PTPRJ: variants seen among roughly 807,000 people sequenced by gnomAD.
The protein encoded by PTPRJ is receptor-type tyrosine-protein phosphatase eta.
A neutral mutation model predicts 141.3 loss-of-function variants in PTPRJ; 129 were observed. The ratio of observed to expected loss-of-function variants is 0.91; its 90% CI spans 0.79 to 1.06. PTPRJ has a LOEUF of 1.06. PTPRJ is among the 50% of genes least tolerant of loss of function. PTPRJ has a pLI of 0.00. For missense variants in PTPRJ, 1,601 were observed against 1,679.7 expected (o/e 0.95, Z 0.82); for synonymous variants, 610 against 640.5 (o/e 0.95, Z 0.72).
At chr11:48,047,036 C>G (rs1565275051) in intron 1 of PTPRJ, among the ~76,000 whole-genome samples, 1 of 150,784 alleles carries the variant, frequency 6.6e-6, no homozygotes, top group Non-Finnish European at 1.5e-5. Flanking sequence ...TTGCCTCAGC[C>G]TCCTGAGTAG....
rs551800146 is a variant in PTPRJ, at chr11:47,981,226, G to A, written c.96+218G>A. 1.1e-4 allele frequency among the ~76,000 whole-genome samples: 16 copies of A among 152,236 alleles called. No homozygotes were observed. In the South Asian group the frequency reaches 3.1e-3, roughly 30 times the overall value. ...GCCCAGGATCGGGGGAGAGAGGCGG[G>A]ATCCGGGTGCCGCGGTGCCCGAGCC... On this transcript the variant is annotated intron_variant, in intron 1 of 24. Transcript: ENST00000418331.
chr11:48,026,995 C>G (rs1167941450), intron 1 of PTPRJ, among the ~76,000 whole-genome samples: 3 of 144,414 alleles, frequency 2.1e-5, no homozygotes, highest in Non-Finnish European at 4.5e-5. Flanking sequence ...CTTGGAATAC[C>G]CTTTTTTTTT....
At chr11:48,153,602 C>T (rs564574704) in intron 18 of PTPRJ, among the ~76,000 whole-genome samples, 194 bp from the exon 19 acceptor site, 8 of 151,862 alleles carry the variant, frequency 5.3e-5, no homozygotes, top group African/African-American at 1.7e-4. Flanking sequence ...CCTGAAGGTC[C>T]TTTCCTGAGA....
At chr11:48,040,612 CTTTTTTTT>C (rs398055231) in intron 1 of PTPRJ, among the ~76,000 whole-genome samples, 3 of 135,420 alleles carry the variant, frequency 2.2e-5, no homozygotes, top group Non-Finnish European at 4.7e-5. Flanking sequence ...TCTTCTTCTT[CTTTTTTTT>C]TTTTTTTTGA....
intron 11 of PTPRJ, among the ~76,000 whole-genome samples, chr11:48,140,761 G>T (rs1035885190): frequency 6.6e-6 from 1 of 152,178 alleles, no homozygotes; most frequent in African/African-American, 2.4e-5. Context: ...GCCGAAATTG[G>T]TATTAATAGC....
chr11:48,025,953 AT>A (rs1378336572), intron 1 of PTPRJ, among the ~76,000 whole-genome samples: 1 of 152,060 alleles, frequency 6.6e-6, no homozygotes, highest in Non-Finnish European at 1.5e-5. Flanking sequence ...CATCCCCCCA[AT>A]TATGGAAATC....
chr11:48,152,480 T>C (rs1857507810), intron 18 of PTPRJ, among the ~76,000 whole-genome samples: 1 of 152,176 alleles, frequency 6.6e-6, no homozygotes, highest in Non-Finnish European at 1.5e-5. Flanking sequence ...TTTTGTCTTT[T>C]GTTGCCATTG....
chr11:48,025,452 C>T (rs752350733), intron 1 of PTPRJ, among the ~76,000 whole-genome samples: 59 of 152,130 alleles, frequency 3.9e-4, no homozygotes, highest in Non-Finnish European at 3.2e-4. Context: ...TGGTGTATGC[C>T]GGAGGCCACC....
At chr11:48,083,437 A>C (rs1290917708) in intron 1 of PTPRJ, among the ~76,000 whole-genome samples, 1 of 152,184 alleles carries the variant, frequency 6.6e-6, no homozygotes, top group East Asian at 1.9e-4. Context: ...CTCAAATAAA[A>C]AATATTATTT....
intron 1 of PTPRJ, among the ~76,000 whole-genome samples, chr11:48,018,649 C>T (rs981072766): frequency 1.1e-4 from 17 of 152,148 alleles, no homozygotes; most frequent in Admixed American, 5.2e-4. Flanking sequence ...AGAACCAGAT[C>T]CTTTGTCAGT....
chr11:48,141,938 G>T (rs1217345985), intron 11 of PTPRJ, among the ~76,000 whole-genome samples: 1 of 144,096 alleles, frequency 6.9e-6, no homozygotes, highest in Non-Finnish European at 1.5e-5. Context: ...TCCCCAATGT[G>T]TTTTTTTTTT....
intron 1 of PTPRJ, among the ~76,000 whole-genome samples, chr11:48,098,193 C>G (rs10769316): frequency 0.67 from 101,715 of 152,028 alleles, 35,654 homozygotes; most frequent in East Asian, 0.81. Flanking sequence ...TGTTCCAGGC[C>G]CTGAAAATCC....
intron 1 of PTPRJ, among the ~76,000 whole-genome samples, chr11:48,098,661 C>CATGT (rs1444934263): frequency 1.7e-5 from 1 of 60,540 alleles, no homozygotes. Flanking sequence ...GCTGGGACTA[C>CATGT]AGGCACGCGC....
At position 48,144,898 on chromosome 11, in the gene PTPRJ, G is replaced by T; in HGVS notation, c.2786+13G>T. The T allele has an allele frequency of 1.2e-6, 2 of 1,613,958 alleles. No homozygotes were observed. The highest frequency in any genetic ancestry group is 1.7e-6 in the Non-Finnish European group (2 of 1,179,940). ...TGGGCTCCTACCGGTAATGTCTTCT[G>T]GTTCTTACTCTTTGGGGGCTGAGCC... is the stretch of plus-strand genomic sequence containing the variant. On this transcript the variant is annotated intron_variant, in intron 13 of 24. Coordinates refer to ENST00000418331, the MANE Select transcript of PTPRJ (RefSeq NM_002843.4).
chr11:47,998,989 C>T (rs1854420735), intron 1 of PTPRJ, among the ~76,000 whole-genome samples: 1 of 152,182 alleles, frequency 6.6e-6, no homozygotes, highest in South Asian at 2.1e-4. Flanking sequence ...GAGCTCATTG[C>T]CATGCAACTT....
At chr11:48,091,680 A>G (rs1910364) in intron 1 of PTPRJ, among the ~76,000 whole-genome samples, 112,461 of 152,132 alleles carry the variant, frequency 0.74, 42,310 homozygotes, top group South Asian at 0.83. Flanking sequence ...AAAAAATTCG[A>G]AAAGTCACCT....
At chr11:48,100,337 G>A (rs548508425) in intron 1 of PTPRJ, among the ~76,000 whole-genome samples, 9 of 152,230 alleles carry the variant, frequency 5.9e-5, no homozygotes, top group South Asian at 4.1e-4. Flanking sequence ...CACCTCTCCC[G>A]TGTTTCACTG....
chr11:48,094,408 C>T (rs981246407), intron 1 of PTPRJ, among the ~76,000 whole-genome samples: 1 of 152,058 alleles, frequency 6.6e-6, no homozygotes, highest in African/African-American at 2.4e-5. Flanking sequence ...ATAAATTAAC[C>T]GAGTGGGGAA....
At chr11:48,064,713 C>T (rs572235187) in intron 1 of PTPRJ, among the ~76,000 whole-genome samples, 42 of 152,224 alleles carry the variant, frequency 2.8e-4, no homozygotes, top group African/African-American at 9.9e-4. Context: ...AAGCAATTCT[C>T]CTGCCTCAGC....
Sources: allele counts gnomAD v4.1 joint callset (sites outside exome capture counted in the v4.1 genomes callset), GRCh38; gene constraint gnomAD v4.1.1; transcripts MANE v1.5; gene names NCBI Gene and HGNC (gene_info 2026-07-23, HGNC 2026-07-21).